Variants in TTPA observed in about 807,000 individuals in gnomAD.
The protein encoded by TTPA is alpha-tocopherol transfer protein.
A neutral mutation model predicts 25.9 loss-of-function variants in TTPA; 23 were observed. The ratio of observed to expected loss-of-function variants is 0.89; its 90% CI spans 0.64 to 1.26. TTPA has a LOEUF of 1.26. TTPA is among the 50% of genes most tolerant of loss of function. The pLI is 0.00. For missense variants in TTPA, 337 were observed against 353.1 expected (o/e 0.95, Z 0.37); for synonymous variants, 148 against 137.3 (o/e 1.08, Z -0.54).
At chr8:63,080,679 C>T (rs566549146) in intron 1 of TTPA, among the ~76,000 whole-genome samples, 2 of 148,808 alleles carry the variant, frequency 1.3e-5, no homozygotes, top group South Asian at 4.2e-4. Context: ...CGAATCATGC[C>T]ACTGCACTCC....
intron 1 of TTPA, among the ~76,000 whole-genome samples, chr8:63,085,013 G>A (rs991741776): frequency 6.6e-6 from 1 of 152,240 alleles, no homozygotes; most frequent in Non-Finnish European, 1.5e-5. Context: ...GAAAGGGCTA[G>A]ATCTGGTCGA....
Position 63,061,514 on chromosome 8 carries a change from C to T in TTPA, c.664-89G>A. On this transcript the variant is annotated intron_variant, in intron 4 of 4. Coordinates refer to ENST00000260116, the MANE Select transcript of TTPA (RefSeq NM_000370.3). ...CTCATAAAACAAGGTATTCTAATAA[C>T]TTCTAAAATGGAGTGTATAAATAGA... 4.3e-6 allele frequency: 5 copies of T among 1,172,472 alleles called. No individual in the cohort carries two copies. In the South Asian group the frequency reaches 6.4e-5, roughly 15 times the overall value. 72.6% of individuals were successfully genotyped at this position (1,172,472 alleles called of 1,614,324 possible).
At chr8:63,078,812 A>G (rs1805613301) in intron 1 of TTPA, among the ~76,000 whole-genome samples, 1 of 152,182 alleles carries the variant, frequency 6.6e-6, no homozygotes, top group Non-Finnish European at 1.5e-5. Context: ...TCAGGCCAAC[A>G]ATCAAATTCA....
Position 63,083,459 on chromosome 8 carries a change from G to C in TTPA, c.204+2359C>G, listed in dbSNP as rs545761752. Among the ~76,000 whole-genome samples, 4 of 152,218 alleles carry C rather than the reference G, an allele frequency of 2.6e-5. 1 individual carries two copies. The South Asian group carries it at 8.3e-4, about 32-fold the overall frequency. Reference sequence around the variant, plus strand: ...AATGAGAACACTTGGACACACAGTGGGGAACATCGCACACTGGGGCCTGTT... The same window carrying C: ...AATGAGAACACTTGGACACACAGTGCGGAACATCGCACACTGGGGCCTGTT... On this transcript the variant is annotated intron_variant, in intron 1 of 4. Transcript: ENST00000260116.
chr8:63,080,973 T>C (rs1160362825), intron 1 of TTPA, among the ~76,000 whole-genome samples: 1 of 148,480 alleles, frequency 6.7e-6, no homozygotes, highest in African/African-American at 2.5e-5. Context: ...AATAGACCAA[T>C]AACAGGCTCT....
chr8:63,061,809 T>C (rs528257284), intron 4 of TTPA, among the ~76,000 whole-genome samples: 5 of 152,374 alleles, frequency 3.3e-5, no homozygotes, highest in Admixed American at 2.6e-4. Context: ...TACTAGCTGG[T>C]ACTAATTCAT....
downstream of TTPA, among the ~76,000 whole-genome samples, chr8:63,058,541 A>G (rs7830578): frequency 0.45 from 69,023 of 151,996 alleles, 16,325 homozygotes; most frequent in African/African-American, 0.59. Flanking sequence ...CTAAAGTAAT[A>G]TAGACAATTA....
intron 1 of TTPA, among the ~76,000 whole-genome samples, chr8:63,077,589 C>T (rs115753700): frequency 0.068 from 10,312 of 152,260 alleles, 644 homozygotes; most frequent in African/African-American, 0.16. Flanking sequence ...AACTTCAAGG[C>T]GGCAGCCTGG....
chr8:63,073,507 T>G (rs1455411016), intron 1 of TTPA, among the ~76,000 whole-genome samples: 1 of 152,198 alleles, frequency 6.6e-6, no homozygotes, highest in Non-Finnish European at 1.5e-5. Flanking sequence ...CCTGGTACCT[T>G]CTGAATGTAC....
chr8:63,066,887 G>C (rs1372587870), intron 2 of TTPA, among the ~76,000 whole-genome samples: 2 of 152,118 alleles, frequency 1.3e-5, no homozygotes, highest in Non-Finnish European at 2.9e-5. Context: ...ACTCGAGAAA[G>C]TAAGAAAGCA....
intron 2 of TTPA, among the ~76,000 whole-genome samples, chr8:63,069,313 T>C (rs920997415): frequency 4.0e-5 from 6 of 151,312 alleles, no homozygotes; most frequent in African/African-American, 9.7e-5. Context: ...AAAGAACATA[T>C]GAAGTTTGCC....
At chr8:63,072,876 G>A in intron 2 of TTPA, 59 bp downstream of exon 2, 1 of 1,585,036 alleles carries the variant, frequency 6.3e-7, no homozygotes. Context: ...GAGGAGAGGG[G>A]AGGGAACACA....
At chr8:63,071,783 A>T (rs1805487517) in intron 2 of TTPA, among the ~76,000 whole-genome samples, 1 of 152,184 alleles carries the variant, frequency 6.6e-6, no homozygotes, top group Admixed American at 6.5e-5. Flanking sequence ...GATGTCACCT[A>T]GGAACCAGGT....
At chr8:63,064,641 A>G (rs1805359695) in intron 3 of TTPA, among the ~76,000 whole-genome samples, 1 of 152,210 alleles carries the variant, frequency 6.6e-6, no homozygotes, top group South Asian at 2.1e-4. Context: ...GGAAATTTAT[A>G]TTTAACTTTT....
rs1434196263 is a variant in TTPA, at chr8:63,066,135, T to C, written c.359-38A>G. Reference sequence around the variant, plus strand: ...AAGCATATCATATCTTAGCATTGTGTAAAAAATCAGAAAGATTTCCAAAGG... The same window carrying C: ...AAGCATATCATATCTTAGCATTGTGCAAAAAATCAGAAAGATTTCCAAAGG... On this transcript the variant is annotated intron_variant, in intron 2 of 4. Transcript: ENST00000260116. 3 of 1,583,938 alleles carry C rather than the reference T, an allele frequency of 1.9e-6. No homozygotes were observed. In the African/African-American group the frequency reaches 4.0e-5, roughly 21 times the overall value.
chr8:63,064,320 T>C lies in TTPA; in HGVS notation c.553-4A>G, dbSNP rs1435506249. 1.3e-6 allele frequency: 2 copies of C among 1,599,386 alleles called. No individual in the cohort carries two copies. Among genetic ancestry groups the C allele is most frequent in the East Asian group, 2.2e-5 (1 of 44,628 alleles). On this transcript the variant is annotated splice_polypyrimidine_tract_variant and splice_region_variant and intron_variant, in intron 3 of 4. Coordinates refer to ENST00000260116, the MANE Select transcript of TTPA (RefSeq NM_000370.3). ...GAACTTTCAATGGAAATGAATCCTTTTGAAAATAAAAAAATCTTAATAACA... is the reference window on the plus strand; with the variant it reads ...GAACTTTCAATGGAAATGAATCCTTCTGAAAATAAAAAAATCTTAATAACA...
chr8:63,062,005 C>T (rs540496796), intron 4 of TTPA, among the ~76,000 whole-genome samples: 29 of 152,082 alleles, frequency 1.9e-4, no homozygotes, highest in African/African-American at 6.7e-4. Context: ...GAGTTCAACA[C>T]CAGCCTGGGC....
intron 2 of TTPA, among the ~76,000 whole-genome samples, chr8:63,071,645 T>C (rs1805483777): frequency 6.6e-6 from 1 of 152,082 alleles, no homozygotes; most frequent in South Asian, 2.1e-4. Flanking sequence ...AAAGTGATGG[T>C]AGTAAGAGGT....
chr8:63,081,934 G>A (rs1805670439), intron 1 of TTPA, among the ~76,000 whole-genome samples: 3 of 152,090 alleles, frequency 2.0e-5, no homozygotes, highest in Admixed American at 2.0e-4. Context: ...CAACTTACAA[G>A]GAATGTGAAG....
Sources: allele counts gnomAD v4.1 joint callset (sites outside exome capture counted in the v4.1 genomes callset), GRCh38; gene constraint gnomAD v4.1.1; transcripts MANE v1.5; gene names NCBI Gene and HGNC (gene_info 2026-07-23, HGNC 2026-07-21).